Variants in UACA observed in about 807,000 individuals in gnomAD.
UACA encodes the protein nuclear membrane binding protein.
Under a neutral mutation model 160.5 loss-of-function variants are expected in UACA, and 112 were observed. That is an observed-to-expected ratio of 0.70 (90% confidence interval 0.60 to 0.82). The LOEUF (loss-of-function observed/expected upper bound fraction) is 0.82. UACA is among the 40% of genes least tolerant of loss of function. The probability of loss-of-function intolerance (pLI) is 0.00; values close to 1 mark genes in which losing one functional copy is unlikely to be tolerated. For synonymous variants in UACA, 557 were observed against 568.4 expected (o/e 0.98, Z 0.29); for missense variants, 1,574 against 1,614.6 (o/e 0.97, Z 0.43).
chr15:70,754,980 A>G (rs1044585540), intron 1 of UACA, among the ~76,000 whole-genome samples: 4 of 152,242 alleles, frequency 2.6e-5, no homozygotes, highest in East Asian at 1.9e-4. Context: ...ACAGAAATCA[A>G]TTTGACTTCC....
chr15:70,662,403 G>A (rs1287792627), intron 17 of UACA, among the ~76,000 whole-genome samples: 1 of 152,180 alleles, frequency 6.6e-6, no homozygotes. Flanking sequence ...TCATGGGTAG[G>A]AAGAATCAAT....
the UACA span, among the ~76,000 whole-genome samples, chr15:70,769,330 C>T: frequency 8.2e-6 from 1 of 121,584 alleles, no homozygotes; most frequent in African/African-American, 3.0e-5. Context: ...CAGAGTGAGA[C>T]TCCGACTCAA....
chr15:70,713,508 A>C (rs543028873), intron 1 of UACA, among the ~76,000 whole-genome samples: 1 of 152,324 alleles, frequency 6.6e-6, no homozygotes, highest in African/African-American at 2.4e-5. Flanking sequence ...GTCTGAAAGA[A>C]GGCCAATGTA....
intron 1 of UACA, among the ~76,000 whole-genome samples, chr15:70,709,000 A>G (rs887862443): frequency 9.2e-5 from 14 of 152,136 alleles, no homozygotes; most frequent in African/African-American, 3.4e-4. Context: ...GTTATCACCA[A>G]TGCCTTTCAC....
chr15:70,671,893 CAAGT>C (rs1440938323), intron 14 of UACA, 68 bp downstream of exon 14: 6 of 1,329,870 alleles, frequency 4.5e-6, no homozygotes, highest in Non-Finnish European at 6.2e-6. Context: ...TATAGTTAAA[CAAGT>C]AAGAATAAAC....
chr15:70,769,101 G>A, the UACA span, among the ~76,000 whole-genome samples: 1 of 151,976 alleles, frequency 6.6e-6, no homozygotes, highest in Admixed American at 6.6e-5. Flanking sequence ...GCTCACACCT[G>A]TAATCCCAGC....
At chr15:70,762,922 A>ACTG (rs956395821) in intron 1 of UACA, among the ~76,000 whole-genome samples, 1 of 152,040 alleles carries the variant, frequency 6.6e-6, no homozygotes, top group Non-Finnish European at 1.5e-5. Context: ...GGCCCCGGGG[A>ACTG]CTGGGGAGCC....
At position 70,668,493 on chromosome 15, in the gene UACA, CCTT is replaced by C; in HGVS notation, c.2188_2190del (p.Lys730del). 1.9e-6 allele frequency: 3 copies of C among 1,611,678 alleles called. No homozygotes were observed. The highest frequency in any genetic ancestry group is 2.5e-6 in the Non-Finnish European group (3 of 1,179,698). On this transcript the variant is annotated inframe_deletion, in exon 16 of 19. Coordinates refer to ENST00000322954, the MANE Select transcript of UACA (RefSeq NM_018003.4). ...TCAATTGTTAAGTTATGTGCTTGCTCCTTGAGGAGCTTATTATCCAAATAAACT... is the reference window on the plus strand; with the variant it reads ...TCAATTGTTAAGTTATGTGCTTGCTCGAGGAGCTTATTATCCAAATAAACT...
At chr15:70,672,213 T>C (rs1220671964) in intron 13 of UACA, among the ~76,000 whole-genome samples, 1 of 152,136 alleles carries the variant, frequency 6.6e-6, no homozygotes, top group Non-Finnish European at 1.5e-5. Context: ...CACTAAGCAT[T>C]TTAATAAAAG....
In UACA at chr15:70,668,270, G is replaced by A; in HGVS notation, c.2414C>T (p.Pro805Leu). The A allele has an allele frequency of 6.2e-7, 1 of 1,613,326 alleles. No homozygotes were observed. ...DVSRLETVFV[P>L]PEKHEKEIIA... is the part of the protein sequence containing the mutation. The stretch of plus-strand genomic sequence containing the variant: ...TATCTCTTTTTCATGTTTCTCAGGA[G>A]GTACAAACACAGTTTCTAGGCGGCT... The change falls in exon 16 of 19, where the codon CCT (proline) becomes CTT (leucine). Residue 805 changes from proline to leucine, a missense_variant. By Grantham distance (98) the Pro-to-Leu change is moderately conservative (BLOSUM62 -3). Transcript: ENST00000322954.
rs993643128 is a variant in UACA, at chr15:70,655,137, CAAAAT to C, written c.*1914_*1918del. On this transcript the variant is annotated 3_prime_UTR_variant, in exon 19 of 19. Coordinates refer to ENST00000322954, the MANE Select transcript of UACA (RefSeq NM_018003.4). Reference sequence around the variant, plus strand: ...AGAAAACTTTATTGATGGTTGAAAACAAAATAAAATACACATAAGGTTCCCTTCCC... The same window carrying C: ...AGAAAACTTTATTGATGGTTGAAAACAAAATACACATAAGGTTCCCTTCCC... The C allele has an allele frequency of 9.9e-5, 15 of 152,110 alleles. No homozygotes were observed. The highest frequency in any genetic ancestry group is 2.9e-4 in the African/African-American group (12 of 41,412). The allele number at this position is 152,110 out of a possible 1,614,324, so 9.4% of individuals were successfully genotyped here. A position where few individuals can be genotyped will look rare whatever the true frequency, so the allele number is the denominator to read the frequency against.
At chr15:70,660,049 C>T in intron 18 of UACA, 102 bp downstream of exon 18, 1 of 859,378 alleles carries the variant, frequency 1.2e-6, no homozygotes, top group Non-Finnish European at 1.8e-6. Context: ...ATAGGGGGTG[C>T]AGCTACTTTA....
rs968144106 is a variant in UACA at position 70,763,346 on chromosome 15, G to GCGC, written c.59_61dup (p.Gly20dup). The GCGC allele has an allele frequency of 9.0e-6, 12 of 1,334,564 alleles. No individual in the cohort carries two copies. The African/African-American group carries it at 1.2e-4, about 14-fold the overall frequency. The allele number at this position is 1,334,564 out of a possible 1,614,324, so 82.7% of individuals were successfully genotyped here. ...GGGACTCACCGCGCTGGCGGCGGCG[G>GCGC]CGCCAGACGACGCGGGGCCGGGCAC... is the stretch of plus-strand genomic sequence containing the variant. On this transcript the variant is annotated inframe_insertion, in exon 1 of 19. Coordinates refer to ENST00000322954, the MANE Select transcript of UACA (RefSeq NM_018003.4).
At chr15:70,703,349 A>G in intron 1 of UACA, 1 of 1,161,026 alleles carries the variant, frequency 8.6e-7, no homozygotes, top group Non-Finnish European at 1.1e-6. Flanking sequence ...TCATGCTGCC[A>G]GTTAAAAATT....
chr15:70,752,467 T>G (rs981267899), intron 1 of UACA, among the ~76,000 whole-genome samples: 2 of 152,032 alleles, frequency 1.3e-5, no homozygotes, highest in Non-Finnish European at 2.9e-5. Flanking sequence ...AGTTAAACAC[T>G]CCTACTTTTT....
At chr15:70,713,994 A>G (rs1898756796) in intron 1 of UACA, among the ~76,000 whole-genome samples, 1 of 152,174 alleles carries the variant, frequency 6.6e-6, no homozygotes, top group African/African-American at 2.4e-5. Context: ...GGAAAAATAT[A>G]TATCCTAAAT....
intron 1 of UACA, among the ~76,000 whole-genome samples, chr15:70,727,694 C>T (rs1458618017): frequency 6.6e-6 from 1 of 151,928 alleles, no homozygotes; most frequent in Admixed American, 6.6e-5. Flanking sequence ...CTAAAAACAC[C>T]AAATAAACAT....
intron 1 of UACA, among the ~76,000 whole-genome samples, chr15:70,728,525 T>G (rs1477506292): frequency 7.0e-6 from 1 of 143,578 alleles, no homozygotes; most frequent in East Asian, 2.0e-4. Flanking sequence ...ATTGCACCAC[T>G]GCACTCCAGC....
At chr15:70,685,849 A>G (rs916307783) in intron 7 of UACA, among the ~76,000 whole-genome samples, 3 of 151,912 alleles carry the variant, frequency 2.0e-5, no homozygotes, top group African/African-American at 7.3e-5. Flanking sequence ...ATCTCAGCTC[A>G]CTGCAACCTC....
Sources: gnomAD v4.1 joint callset for allele counts (sites outside exome capture counted in the v4.1 genomes callset) on GRCh38, gnomAD v4.1.1 for gene constraint, MANE v1.5 for transcripts, NCBI Gene and HGNC (gene_info 2026-07-23, HGNC 2026-07-21) for gene names.